The following LAMA1 variants were observed in gnomAD, a reference collection of about 807,000 sequenced individuals.
The protein encoded by LAMA1 is laminin subunit alpha 1, also known as laminin subunit alpha-1.
A neutral mutation model predicts 348.7 loss-of-function variants in LAMA1; 219 were observed. That is an observed-to-expected ratio of 0.63 (90% CI 0.56 to 0.70). The LOEUF is 0.70. LAMA1 is among the 30% of genes least tolerant of loss of function. The pLI, the probability that LAMA1 is intolerant of heterozygous loss-of-function variation, is 0.00. For synonymous variants in LAMA1, 1,487 were observed against 1,491.0 expected (o/e 1.00, Z 0.06); for missense variants, 3,744 against 3,888.0 (o/e 0.96, Z 0.99).
At chr18:7,004,834 G>A (rs1367068811) in intron 29 of LAMA1, among the ~76,000 whole-genome samples, 1 of 152,198 alleles carries the variant, frequency 6.6e-6, no homozygotes, top group Non-Finnish European at 1.5e-5. Flanking sequence ...AAAAACTGAG[G>A]ATGGAAGGGA....
chr18:7,017,156 G>C, intron 20 of LAMA1, 122 bp downstream of exon 20: 1 of 804,314 alleles, frequency 1.2e-6, no homozygotes, highest in Non-Finnish European at 2.1e-6. Flanking sequence ...CCAGTCTTGG[G>C]TAGTATCTCT....
At chr18:7,074,275 G>A (rs2058157916) in intron 3 of LAMA1, among the ~76,000 whole-genome samples, 1 of 152,030 alleles carries the variant, frequency 6.6e-6, no homozygotes, top group Non-Finnish European at 1.5e-5. Flanking sequence ...GGTGTGAAGG[G>A]GTATCTTATT....
At chr18:6,978,778 G>A (rs1181632642) in intron 42 of LAMA1, among the ~76,000 whole-genome samples, 1 of 152,136 alleles carries the variant, frequency 6.6e-6, no homozygotes, top group Non-Finnish European at 1.5e-5. Context: ...TCCTTTCTCA[G>A]CTTCATGAAA....
At chr18:7,026,329 A>G (rs1360185517) in intron 16 of LAMA1, among the ~76,000 whole-genome samples, 1 of 152,218 alleles carries the variant, frequency 6.6e-6, no homozygotes, top group Non-Finnish European at 1.5e-5. Flanking sequence ...ACTGATGAGC[A>G]TGGACAAGGG....
chr18:6,999,517 T>G lies in LAMA1; in HGVS notation c.4591A>C (p.Arg1531=), dbSNP rs142217818. ...CDRTSGQCVC[R]LGASGLRCDE... is the part of the protein sequence containing the mutation. ...CACCGGAGCCCCGAGGCCCCCAGCC[T>G]GCAAACGCACTGCCCAGATGTGCGG... The change falls in exon 32 of 63, where the codon AGG becomes CGG. Residue 1531 remains arginine, a synonymous_variant. Coordinates refer to ENST00000389658, the MANE Select transcript of LAMA1 (RefSeq NM_005559.4). The G allele has an allele frequency of 1.1e-4, 174 of 1,614,094 alleles. No homozygotes were observed. In the African/African-American group the frequency reaches 2.1e-3, roughly 19 times the overall value.
rs151216885 is a variant in LAMA1 at position 7,055,638 on chromosome 18, A to G, written c.346-4702T>C. 9.1e-3 allele frequency among the ~76,000 whole-genome samples: 1,386 copies of G among 152,004 alleles called. 4 individuals are homozygous for G. Among genetic ancestry groups the G allele is most frequent in the Middle Eastern group, 0.017 (5 of 292 alleles). ...AGAATCAATAAGGACTAACAATTCT[A>G]TCTCATTATAGTCACTCTTTCCACC... On this transcript the variant is annotated intron_variant, in intron 3 of 62. Coordinates refer to ENST00000389658, the MANE Select transcript of LAMA1 (RefSeq NM_005559.4).
At chr18:7,039,957 G>C in intron 10 of LAMA1, 119 bp downstream of exon 10, 1 of 1,120,394 alleles carries the variant, frequency 8.9e-7, no homozygotes, top group Non-Finnish European at 1.3e-6. Context: ...GGGGCAAGGG[G>C]AGTTCTGCTT....
intron 3 of LAMA1, among the ~76,000 whole-genome samples, chr18:7,055,787 G>A (rs901899863): frequency 4.6e-5 from 7 of 152,040 alleles, no homozygotes; most frequent in Admixed American, 3.3e-4. Flanking sequence ...AAGCACATTA[G>A]AAGCGAAATA....
chr18:7,056,868 C>T (rs1277757376), intron 3 of LAMA1, among the ~76,000 whole-genome samples: 1 of 149,412 alleles, frequency 6.7e-6, no homozygotes. Context: ...ATTGTTAACG[C>T]TTTGAATTTT....
chr18:7,111,128 G>A (rs2058334389), intron 1 of LAMA1, among the ~76,000 whole-genome samples: 1 of 152,110 alleles, frequency 6.6e-6, no homozygotes, highest in Admixed American at 6.6e-5. Context: ...TCTGGCACAA[G>A]AATGTCAGTC....
At chr18:7,012,529 A>G (rs916678468) in intron 23 of LAMA1, among the ~76,000 whole-genome samples, 3 of 148,946 alleles carry the variant, frequency 2.0e-5, no homozygotes, top group Non-Finnish European at 4.4e-5. Context: ...TATTTAAGAC[A>G]GAGTCTCGCT....
chr18:7,007,352 A>G, intron 28 of LAMA1, 76 bp from the exon 29 acceptor site: 1 of 1,437,276 alleles, frequency 7.0e-7, no homozygotes, highest in Non-Finnish European at 9.5e-7. Context: ...CACTTCTCCA[A>G]AGGAGACATA....
intron 22 of LAMA1, among the ~76,000 whole-genome samples, chr18:7,014,825 C>A (rs9965237): frequency 0.32 from 48,438 of 151,758 alleles, 7,877 homozygotes; most frequent in Middle Eastern, 0.35. Flanking sequence ...AAAGGACACT[C>A]AAATATTTTT....
chr18:6,951,570 A>G (rs2057546867), intron 57 of LAMA1, among the ~76,000 whole-genome samples: 1 of 152,182 alleles, frequency 6.6e-6, no homozygotes, highest in Admixed American at 6.5e-5. Flanking sequence ...TTTTCGGCAC[A>G]GTGGGAAGTC....
chr18:7,030,414 T>C (rs1235179219), intron 16 of LAMA1, among the ~76,000 whole-genome samples: 1 of 152,116 alleles, frequency 6.6e-6, no homozygotes, highest in African/African-American at 2.4e-5. Flanking sequence ...AGTCACTGAA[T>C]GGTGTGGGGT....
chr18:6,986,386 C>T (rs1381588959), intron 36 of LAMA1, 39 bp from the exon 37 acceptor site: 2 of 1,583,204 alleles, frequency 1.3e-6, no homozygotes, highest in African/African-American at 2.7e-5. Context: ...AGTAAATGAA[C>T]AACAAAGCTC....
intron 19 of LAMA1, among the ~76,000 whole-genome samples, chr18:7,018,279 T>A (rs1041519004): frequency 1.3e-4 from 15 of 117,430 alleles, no homozygotes; most frequent in Admixed American, 2.3e-4. Flanking sequence ...GAGGTTGCAG[T>A]GAGCCAAGAT....
intron 4 of LAMA1, 143 bp downstream of exon 4, chr18:7,050,551 T>C: frequency 9.1e-7 from 1 of 1,102,386 alleles, no homozygotes; most frequent in Non-Finnish European, 1.3e-6. Flanking sequence ...AAATTACTTA[T>C]AATAGACATG....
chr18:7,018,612 G>A (rs1295007223), intron 19 of LAMA1, among the ~76,000 whole-genome samples: 2 of 151,896 alleles, frequency 1.3e-5, no homozygotes, highest in African/African-American at 2.4e-5. Context: ...AGCCAGGATG[G>A]TCTCGATCTC....
Sources: allele counts gnomAD v4.1 joint callset (sites outside exome capture counted in the v4.1 genomes callset), GRCh38; gene constraint gnomAD v4.1.1; transcripts MANE v1.5; gene names NCBI Gene and HGNC (gene_info 2026-07-23, HGNC 2026-07-21).